The following ATP13A4 variants were observed in gnomAD, a reference collection of about 807,000 sequenced individuals.
ATP13A4 encodes the protein ATPase 13A4.
Under a neutral mutation model 142.5 loss-of-function variants are expected in ATP13A4, and 114 were observed. The ratio of observed to expected loss-of-function variants is 0.80; its 90% CI spans 0.69 to 0.93. The LOEUF (loss-of-function observed/expected upper bound fraction) is 0.93. Ranked by LOEUF, ATP13A4 falls within the 40% of genes least tolerant of loss-of-function variation. The pLI is 0.00. For synonymous variants in ATP13A4, 488 were observed against 514.8 expected (o/e 0.95, Z 0.70); for missense variants, 1,392 against 1,454.0 (o/e 0.96, Z 0.69).
chr3:193,464,889 A>G (rs368931399), intron 12 of ATP13A4, 51 bp downstream of exon 12: 95 of 1,580,686 alleles, frequency 6.0e-5, no homozygotes, highest in Non-Finnish European at 7.8e-5. Context: ...GATATACATG[A>G]TGACAGCAAT....
At chr3:193,593,116 G>A, upstream of ATP13A4, 1 of 427,294 alleles carries the variant, frequency 2.3e-6, no homozygotes, top group Non-Finnish European at 4.2e-6. Context: ...CGCACTGTGC[G>A]CATGCGCTGG....
intron 2 of ATP13A4, among the ~76,000 whole-genome samples, chr3:193,504,951 G>A (rs1379133721): frequency 1.3e-5 from 2 of 152,080 alleles, no homozygotes; most frequent in Non-Finnish European, 2.9e-5. Flanking sequence ...ATTTTGTTAT[G>A]TTATCTTATT....
At chr3:193,404,545 T>C (rs1370455193) in intron 29 of ATP13A4, among the ~76,000 whole-genome samples, 3 of 152,170 alleles carry the variant, frequency 2.0e-5, no homozygotes, top group African/African-American at 7.2e-5. Context: ...TGGATTTCCT[T>C]CTTGCTGTTT....
At chr3:193,587,661 G>A (rs778236752) in intron 1 of ATP13A4, among the ~76,000 whole-genome samples, 14 of 152,218 alleles carry the variant, frequency 9.2e-5, no homozygotes, top group Middle Eastern at 3.4e-3. Context: ...ACTATTTCTG[G>A]TGTTTGCTTT....
intron 1 of ATP13A4, among the ~76,000 whole-genome samples, chr3:193,585,362 G>C (rs1215642420): frequency 1.3e-5 from 2 of 152,212 alleles, no homozygotes; most frequent in Non-Finnish European, 2.9e-5. Flanking sequence ...AGAGGCTGCA[G>C]TGAGCTGAGA....
At chr3:193,409,978 C>A (rs1474610392) in intron 28 of ATP13A4, among the ~76,000 whole-genome samples, 5 of 152,198 alleles carry the variant, frequency 3.3e-5, no homozygotes, top group African/African-American at 1.2e-4. Context: ...ACCAGATATA[C>A]AAAGCACTCA....
intron 1 of ATP13A4, among the ~76,000 whole-genome samples, chr3:193,535,171 T>C (rs1365035263): frequency 6.6e-6 from 1 of 152,144 alleles, no homozygotes; most frequent in Non-Finnish European, 1.5e-5. Flanking sequence ...AAGAACATCA[T>C]CAACCGACAG....
At chr3:193,558,883 C>T (rs281811), upstream of ATP13A4, among the ~76,000 whole-genome samples, 61,305 of 151,968 alleles carry the variant, frequency 0.4, 12,617 homozygotes, top group South Asian at 0.57. Flanking sequence ...AGAATGGGAA[C>T]GGAAAATAAA....
intron 2 of ATP13A4, among the ~76,000 whole-genome samples, chr3:193,565,159 G>A (rs191651272): frequency 8.5e-4 from 129 of 152,246 alleles, no homozygotes; most frequent in Middle Eastern, 6.8e-3. Context: ...CACCGCCCCC[G>A]ACTCCAACAG....
At chr3:193,411,913 T>C (rs551134223) in intron 27 of ATP13A4, among the ~76,000 whole-genome samples, 31 of 152,338 alleles carry the variant, frequency 2.0e-4, no homozygotes, top group Admixed American at 1.8e-3. Context: ...TCTTTTCAAT[T>C]TGGAGTGATC....
intron 1 of ATP13A4, chr3:193,592,976 C>G (rs966744298): frequency 8.9e-6 from 2 of 225,348 alleles, no homozygotes; most frequent in African/African-American, 4.5e-5. Context: ...TAGCCCTTCC[C>G]GTTCCCGCCC....
At chr3:193,516,335 G>A (rs901089344) in intron 1 of ATP13A4, among the ~76,000 whole-genome samples, 2 of 152,244 alleles carry the variant, frequency 1.3e-5, no homozygotes, top group African/African-American at 4.8e-5. Context: ...GGCTTTCTTA[G>A]GCATTGTCCA....
chr3:193,572,938 C>A (rs1233297266), intron 2 of ATP13A4, among the ~76,000 whole-genome samples: 1 of 145,416 alleles, frequency 6.9e-6, no homozygotes, highest in African/African-American at 2.6e-5. Context: ...GACCAACCTG[C>A]GCAATATGGT....
At position 193,562,190 on chromosome 3, in the gene ATP13A4, G is replaced by C. The variant is rs116845225; in HGVS notation, n.291+19517C>G. Among the ~76,000 whole-genome samples the C allele has an allele frequency of 3.9e-3, 600 of 152,126 alleles. 3 individuals carry two copies. Among genetic ancestry groups the C allele is most frequent in the South Asian group, 0.017 (81 of 4,822 alleles). ...CGGAGAGCTACCAAACCCAGACCTA[G>C]CAAACCTGAATCCCTGGGGTGGAAA... On this transcript the variant is annotated intron_variant and non_coding_transcript_variant, in intron 2 of 3. Coordinates refer to the ATP13A4 transcript ENST00000489140.
chr3:193,536,263 G>A (rs565824670), intron 1 of ATP13A4, among the ~76,000 whole-genome samples: 17 of 152,050 alleles, frequency 1.1e-4, no homozygotes, highest in South Asian at 2.1e-4. Context: ...ATATAATTCC[G>A]CAACATATTA....
chr3:193,508,451 G>A (rs1720970527), intron 2 of ATP13A4, among the ~76,000 whole-genome samples: 1 of 152,220 alleles, frequency 6.6e-6, no homozygotes, highest in East Asian at 1.9e-4. Context: ...CCGGCTATGG[G>A]ACCCTGAGAA....
rs148034214 is a variant in ATP13A4 at position 193,569,978 on chromosome 3, GTTTA to G, written n.291+11725_291+11728del. 3.8e-3 allele frequency among the ~76,000 whole-genome samples: 582 copies of G among 151,884 alleles called. 2 individuals are homozygous for G. The highest frequency in any genetic ancestry group is 0.014 in the African/African-American group (560 of 41,434). ...ACCTAAAACTATTCAAAAATGGAGA[GTTTA>G]TTTTTTAAAAATTACGCATACAAAT... On this transcript the variant is annotated intron_variant and non_coding_transcript_variant, in intron 2 of 3. Coordinates refer to the ATP13A4 transcript ENST00000489140.
chr3:193,518,273 C>T (rs1460117748), intron 1 of ATP13A4, among the ~76,000 whole-genome samples: 1 of 152,184 alleles, frequency 6.6e-6, no homozygotes, highest in Admixed American at 6.5e-5. Context: ...TAATACAGCA[C>T]TTCAAATGTA....
At chr3:193,457,530 T>C in intron 14 of ATP13A4, 65 bp from the exon 15 acceptor site, 1 of 1,458,976 alleles carries the variant, frequency 6.9e-7, no homozygotes, top group Admixed American at 1.7e-5. Flanking sequence ...GATGCTATGC[T>C]TGAACCCTCC....
Sources: allele counts gnomAD v4.1 joint callset (sites outside exome capture counted in the v4.1 genomes callset), GRCh38; gene constraint gnomAD v4.1.1; transcripts MANE v1.5; gene names NCBI Gene and HGNC (gene_info 2026-07-23, HGNC 2026-07-21).